LDB3: variants seen among roughly 807,000 people sequenced by gnomAD.
The protein encoded by LDB3 is LIM domain-binding protein 3.
Under a neutral mutation model 69.0 loss-of-function variants are expected in LDB3, and 49 were observed. The observed-to-expected ratio is 0.71, with a 90% CI of 0.56 to 0.90. The LOEUF (loss-of-function observed/expected upper bound fraction) is 0.90, where lower values mean the gene tolerates loss of function less well. Ranked by LOEUF, LDB3 falls within the 40% of genes least tolerant of loss-of-function variation. The probability of loss-of-function intolerance (pLI) is 0.00; values close to 1 mark genes in which losing one functional copy is unlikely to be tolerated. For synonymous variants in LDB3, 387 were observed against 396.2 expected (o/e 0.98, Z 0.28); for missense variants, 928 against 974.1 (o/e 0.95, Z 0.63).
intron 2 of LDB3, among the ~76,000 whole-genome samples, chr10:86,673,349 G>C (rs893781767): frequency 2.0e-5 from 3 of 152,212 alleles, no homozygotes. Flanking sequence ...GAATAATGGG[G>C]CCAAAGGCAG....
intron 12 of LDB3, among the ~76,000 whole-genome samples, chr10:86,722,540 G>A (rs1309737318): frequency 9.0e-5 from 13 of 144,538 alleles, no homozygotes; most frequent in African/African-American, 2.3e-4. Context: ...GATTACAGGC[G>A]TGAGCCACCG....
intron 11 of LDB3, 40 bp from the exon 12 acceptor site, chr10:86,718,687 C>T: frequency 6.2e-7 from 1 of 1,614,056 alleles, no homozygotes; most frequent in Non-Finnish European, 8.5e-7. Context: ...AGCCCGCTCC[C>T]TCTCTCCTTT....
intron 12 of LDB3, among the ~76,000 whole-genome samples, chr10:86,725,654 G>T (rs980089427): frequency 5.9e-5 from 9 of 152,196 alleles, no homozygotes; most frequent in Non-Finnish European, 1.2e-4. Flanking sequence ...CAATAAAGTA[G>T]TTCAAATACT....
At chr10:86,711,721 AG>A (rs565832349) in intron 9 of LDB3, among the ~76,000 whole-genome samples, 3 of 150,390 alleles carry the variant, frequency 2.0e-5, no homozygotes, top group Non-Finnish European at 4.4e-5. Flanking sequence ...CTGGCGCCCG[AG>A]GTGGGCGGCC....
rs146911972 is a variant in LDB3 at position 86,668,545 on chromosome 10, C to T, written c.-49C>T. On this transcript the variant is annotated 5_prime_UTR_variant, in exon 1 of 14. Transcript: ENST00000361373. ...AGCCTCTCAAGAGCTCCACGCAGCCCGGCTGGGCAGCAAGGGACAGAACAG... is the reference window on the plus strand; with the variant it reads ...AGCCTCTCAAGAGCTCCACGCAGCCTGGCTGGGCAGCAAGGGACAGAACAG... 1.0e-4 allele frequency: 77 copies of T among 733,398 alleles called. No individual in the cohort carries two copies. The highest frequency in any genetic ancestry group is 8.1e-4 in the African/African-American group (47 of 58,166). The allele number at this position is 733,398 out of a possible 1,614,324, so 45.4% of individuals were successfully genotyped here. A position where few individuals can be genotyped will look rare whatever the true frequency, so the allele number is the denominator to read the frequency against.
In LDB3 at chr10:86,709,942, T is replaced by C; in HGVS notation, c.1123T>C (p.Ser375Pro). 1 of 1,612,686 alleles carries C rather than the reference T, an allele frequency of 6.2e-7. No individual in the cohort carries two copies. The highest frequency in any genetic ancestry group is 8.5e-7 in the Non-Finnish European group (1 of 1,179,966). Reference sequence around the variant, plus strand: ...TTCCTACAGCCCCGCAGTGGCCGCCTCTTCAGCACCTGCCACCCACACCAG... The same window carrying C: ...TTCCTACAGCCCCGCAGTGGCCGCCCCTTCAGCACCTGCCACCCACACCAG... ...ASSYSPAVAA[S>P]SAPATHTSYS... Residue 375 changes from serine (S) to proline (P), a missense_variant, in exon 9 of 14, where the codon TCT (serine) becomes CCT (proline). Transcript: ENST00000361373.
intron 9 of LDB3, among the ~76,000 whole-genome samples, chr10:86,712,613 C>T (rs1450729296): frequency 6.6e-6 from 1 of 152,018 alleles, no homozygotes; most frequent in African/African-American, 2.4e-5. Flanking sequence ...TGGATTGCAG[C>T]GAGTAATAAG....
chr10:86,704,716 C>A (rs1275568157), intron 7 of LDB3, among the ~76,000 whole-genome samples: 1 of 151,938 alleles, frequency 6.6e-6, no homozygotes, highest in Non-Finnish European at 1.5e-5. Context: ...GTAGCTGGGA[C>A]TACAGGCACC....
chr10:86,729,736 C>T (rs1356995998), intron 13 of LDB3, among the ~76,000 whole-genome samples: 1 of 152,222 alleles, frequency 6.6e-6, no homozygotes, highest in Non-Finnish European at 1.5e-5. Flanking sequence ...CCCTCAGCCC[C>T]ATCTCACCTA....
chr10:86,714,508 G>A (rs556177162), intron 9 of LDB3, among the ~76,000 whole-genome samples: 2 of 151,264 alleles, frequency 1.3e-5, no homozygotes, highest in African/African-American at 2.4e-5. Context: ...TATGTGCCTC[G>A]TTACCCCTAA....
intron 7 of LDB3, among the ~76,000 whole-genome samples, chr10:86,697,283 G>A (rs1380074228): frequency 2.9e-5 from 4 of 138,090 alleles, no homozygotes; most frequent in Non-Finnish European, 4.5e-5. Context: ...GTGCAGTGGC[G>A]CGATCTCGGC....
chr10:86,707,691 T>C (rs987570830), intron 8 of LDB3, among the ~76,000 whole-genome samples: 2 of 152,122 alleles, frequency 1.3e-5, no homozygotes, highest in African/African-American at 4.8e-5. Flanking sequence ...GATGGGTAGG[T>C]CCATGGTGCA....
intron 5 of LDB3, chr10:86,685,670 C>G: frequency 6.2e-7 from 1 of 1,614,132 alleles, no homozygotes; most frequent in Non-Finnish European, 8.5e-7. Flanking sequence ...TGCCCTTTTC[C>G]TCCCCAGGTG....
chr10:86,674,989 C>A (rs1432030359), intron 2 of LDB3, among the ~76,000 whole-genome samples: 1 of 151,774 alleles, frequency 6.6e-6, no homozygotes, highest in Non-Finnish European at 1.5e-5. Flanking sequence ...GATATCAGCA[C>A]CCCCAGCCCC....
chr10:86,704,230 C>G (rs1846362508), intron 7 of LDB3, among the ~76,000 whole-genome samples: 1 of 152,008 alleles, frequency 6.6e-6, no homozygotes, highest in African/African-American at 2.4e-5. Context: ...GGGCTTCAAG[C>G]ACACATGGAA....
At chr10:86,718,893 G>C (rs1034844250) in intron 12 of LDB3, 46 bp downstream of exon 12, 4 of 1,612,302 alleles carry the variant, frequency 2.5e-6, no homozygotes, top group Non-Finnish European at 1.7e-6. Context: ...CAGCCTGGGA[G>C]AAAGGGGCAG....
At chr10:86,710,660 G>A (rs887469079) in intron 9 of LDB3, among the ~76,000 whole-genome samples, 11 of 152,236 alleles carry the variant, frequency 7.2e-5, no homozygotes, top group Non-Finnish European at 1.5e-4. Context: ...CTAGACTCGG[G>A]AGCAGGTCCT....
intron 8 of LDB3, among the ~76,000 whole-genome samples, chr10:86,708,529 C>T (rs576685509): frequency 3.3e-5 from 5 of 152,308 alleles, no homozygotes; most frequent in Admixed American, 2.6e-4. Flanking sequence ...GCTAAGACCA[C>T]TGCACCTTGG....
chr10:86,670,474 C>T (rs957413950), intron 2 of LDB3, among the ~76,000 whole-genome samples: 1 of 152,164 alleles, frequency 6.6e-6, no homozygotes, highest in Non-Finnish European at 1.5e-5. Context: ...TCCACCATCT[C>T]GAGGCCTCCT....
Sources: allele counts gnomAD v4.1 joint callset (sites outside exome capture counted in the v4.1 genomes callset), GRCh38; gene constraint gnomAD v4.1.1; transcripts MANE v1.5; gene names NCBI Gene and HGNC (gene_info 2026-07-23, HGNC 2026-07-21).